The following IL1RAPL2 variants were observed in gnomAD, a reference collection of about 807,000 sequenced individuals.
The protein encoded by IL1RAPL2 is X-linked interleukin-1 receptor accessory protein-like 2.
In IL1RAPL2, 3 loss-of-function variants were observed where a neutral mutation model predicts 44.1. That is an observed-to-expected ratio of 0.07 (90% CI 0.03 to 0.18). The LOEUF (loss-of-function observed/expected upper bound fraction) is 0.18, where lower values mean the gene tolerates loss of function less well. Ranked by LOEUF, IL1RAPL2 falls within the 10% of genes least tolerant of loss-of-function variation. The pLI, the probability that IL1RAPL2 is intolerant of heterozygous loss-of-function variation, is 1.00. For synonymous variants in IL1RAPL2, 181 were observed against 178.8 expected, an observed-to-expected ratio of 1.01 and a Z score of -0.10; for missense variants, 391 against 496.4, an observed-to-expected ratio of 0.79 and a Z score of 2.02.
chrX:105,402,540 T>C (rs1018076367), intron 5 of IL1RAPL2, among the ~76,000 whole-genome samples: 5 of 111,471 alleles, frequency 4.5e-5, no homozygotes, highest in Non-Finnish European at 9.4e-5. Context: ...TCTTATATGA[T>C]GAAAATAGGA....
intron 5 of IL1RAPL2, among the ~76,000 whole-genome samples, chrX:105,333,041 A>G (rs1244743296): frequency 8.9e-6 from 1 of 111,869 alleles, no homozygotes; most frequent in Non-Finnish European, 1.9e-5. Flanking sequence ...GAACCACAAA[A>G]GACCCAGAAT....
chrX:104,814,743 C>T (rs757666995), intron 2 of IL1RAPL2, among the ~76,000 whole-genome samples: 2 of 112,295 alleles, frequency 1.8e-5, no homozygotes, highest in South Asian at 7.4e-4. Flanking sequence ...TCAAATTCTG[C>T]TCCTTTGTGT....
chrX:105,587,631 G>C (rs973042790), intron 6 of IL1RAPL2, among the ~76,000 whole-genome samples: 10 of 111,711 alleles, frequency 9.0e-5, no homozygotes, highest in Non-Finnish European at 1.7e-4. Flanking sequence ...GATTGAAATA[G>C]AGCTTTTACT....
At chrX:104,706,080 G>A (rs1180437659) in intron 2 of IL1RAPL2, among the ~76,000 whole-genome samples, 1 of 110,980 alleles carries the variant, frequency 9.0e-6, no homozygotes, top group Non-Finnish European at 1.9e-5. Flanking sequence ...TCCTTTGGGG[G>A]AATAGCTATG....
intron 2 of IL1RAPL2, among the ~76,000 whole-genome samples, chrX:105,178,578 T>C (rs148483141): frequency 0.012 from 1,355 of 112,015 alleles, 25 homozygotes; most frequent in African/African-American, 0.042. Flanking sequence ...CATACTGTTT[T>C]CCATAATGGC....
rs773273523 is a variant in IL1RAPL2 at position 104,694,627 on chromosome X, TAG to T, written c.82+35636_82+35637del. On this transcript the variant is annotated intron_variant, in intron 2 of 10. Coordinates refer to ENST00000372582, the MANE Select transcript of IL1RAPL2 (RefSeq NM_017416.2). ...AGCCCAGGAGGGCGGGCTAAAAAAATAGAGACAGTTCTTTGATTCTAAAAGTA... is the reference window on the plus strand; with the variant it reads ...AGCCCAGGAGGGCGGGCTAAAAAAATAGACAGTTCTTTGATTCTAAAAGTA... Among the ~76,000 whole-genome samples the T allele has an allele frequency of 2.8e-3, 306 of 111,057 alleles. 1 individual carries two copies. The highest frequency in any genetic ancestry group is 3.2e-3 in the Non-Finnish European group (171 of 52,987).
intron 2 of IL1RAPL2, among the ~76,000 whole-genome samples, chrX:104,846,918 GT>G (rs774971880): frequency 3.4e-4 from 38 of 112,080 alleles, no homozygotes; most frequent in Non-Finnish European, 5.3e-4. Context: ...ATCTCATTGT[GT>G]TTTTGATTTG....
intron 2 of IL1RAPL2, among the ~76,000 whole-genome samples, chrX:104,940,872 C>T (rs1335210521): frequency 1.3e-5 from 1 of 75,662 alleles, no homozygotes; most frequent in African/African-American, 5.0e-5. Flanking sequence ...TGCTATCCCT[C>T]CCCCTCCCCC....
At chrX:104,733,503 C>T (rs766911222) in intron 2 of IL1RAPL2, among the ~76,000 whole-genome samples, 24 of 109,189 alleles carry the variant, frequency 2.2e-4, no homozygotes, top group African/African-American at 5.7e-4. Context: ...ACCTGTAATC[C>T]CAGCTACTCA....
chrX:104,848,424 T>C lies in IL1RAPL2; in HGVS notation c.82+189429T>C, dbSNP rs1922122396. Among the ~76,000 whole-genome samples the C allele has an allele frequency of 6.4e-5, 3 of 46,934 alleles. No individual in the cohort carries two copies. The South Asian group carries it at 2.9e-3, about 45-fold the overall frequency. 40.8% of individuals were successfully genotyped at this position (46,934 alleles called of 115,157 possible). A position where few individuals can be genotyped will look rare whatever the true frequency, so the allele number is the denominator to read the frequency against. Reference sequence around the variant, plus strand: ...ATTTTTATCTGTATATATATATATATATATATATATATATATATATATATA... The same window carrying C: ...ATTTTTATCTGTATATATATATATACATATATATATATATATATATATATA... On this transcript the variant is annotated intron_variant, in intron 2 of 10. Coordinates refer to ENST00000372582, the MANE Select transcript of IL1RAPL2 (RefSeq NM_017416.2).
intron 6 of IL1RAPL2, among the ~76,000 whole-genome samples, chrX:105,631,142 C>G (rs5962558): frequency 0.33 from 35,697 of 109,580 alleles, 4,361 homozygotes; most frequent in Middle Eastern, 0.41. Flanking sequence ...GCACATAAAT[C>G]TAATTGTGAT....
rs377299462 is a variant in IL1RAPL2, at chrX:104,910,616, T to C, written c.82+251621T>C. On this transcript the variant is annotated intron_variant, in intron 2 of 10. Transcript: ENST00000372582. The stretch of plus-strand genomic sequence containing the variant: ...ATTTTAAATACCTGAGTTTCCTTTT[T>C]GTGTATGGTCAGTACAGCAAACTTG... Among the ~76,000 whole-genome samples the C allele has an allele frequency of 1.4e-3, 159 of 111,846 alleles. 1 individual carries two copies. Among genetic ancestry groups the C allele is most frequent in the African/African-American group, 4.8e-3 (147 of 30,777 alleles).
chrX:105,251,257 A>G (rs904630427), intron 4 of IL1RAPL2, among the ~76,000 whole-genome samples: 28 of 109,901 alleles, frequency 2.5e-4, no homozygotes, highest in Admixed American at 3.9e-4. Flanking sequence ...TAGAAACCTC[A>G]TAATACCGCA....
intron 1 of IL1RAPL2, among the ~76,000 whole-genome samples, chrX:104,658,315 G>A (rs6621853): frequency 1.8e-5 from 2 of 111,909 alleles, no homozygotes; most frequent in Non-Finnish European, 3.8e-5. Context: ...GTCCTTTGTA[G>A]GGACATGGAT....
Position 105,506,740 on chromosome X carries a change from G to A in IL1RAPL2, c.772+22353G>A, listed in dbSNP as rs941550817. Among the ~76,000 whole-genome samples, 4 of 111,889 alleles carry A rather than the reference G, an allele frequency of 3.6e-5. 1 individual carries two copies. Among genetic ancestry groups the A allele is most frequent in the Non-Finnish European group, 5.6e-5 (3 of 53,102 alleles). ...TGAAAGGAGACGGAGATTATAAGTC[G>A]TAAGATCAAATGAGACGTCAGAATA... On this transcript the variant is annotated intron_variant, in intron 6 of 10. Transcript: ENST00000372582.
intron 3 of IL1RAPL2, among the ~76,000 whole-genome samples, chrX:105,208,903 C>T (rs2033786140): frequency 8.9e-6 from 1 of 111,742 alleles, no homozygotes; most frequent in African/African-American, 3.3e-5. Context: ...ACTTAAGCAC[C>T]ATGCACACTG....
At chrX:105,126,973 C>T (rs2032981552) in intron 2 of IL1RAPL2, among the ~76,000 whole-genome samples, 1 of 110,887 alleles carries the variant, frequency 9.0e-6, no homozygotes, top group South Asian at 3.7e-4. Flanking sequence ...TGATATTTTG[C>T]CCAGAAATGT....
At chrX:105,038,186 C>T (rs1048165784) in intron 2 of IL1RAPL2, among the ~76,000 whole-genome samples, 1 of 97,048 alleles carries the variant, frequency 1.0e-5, no homozygotes, top group Non-Finnish European at 2.1e-5. Flanking sequence ...TGTCCTCTAT[C>T]CACTCCAATA....
At chrX:105,204,535 A>C (rs868963625) in intron 3 of IL1RAPL2, among the ~76,000 whole-genome samples, 2 of 112,046 alleles carry the variant, frequency 1.8e-5, no homozygotes, top group African/African-American at 6.5e-5. Context: ...GCCTATCACT[A>C]TGGCGAACCC....
Sources: gnomAD v4.1 joint callset for allele counts (sites outside exome capture counted in the v4.1 genomes callset) on GRCh38, gnomAD v4.1.1 for gene constraint, MANE v1.5 for transcripts, NCBI Gene and HGNC (gene_info 2026-07-23, HGNC 2026-07-21) for gene names.